Variants in CD99L2 observed in about 807,000 individuals in gnomAD.
CD99L2 encodes the protein CD99 molecule like 2, also known as CD99 antigen-like protein 2.
A neutral mutation model predicts 27.3 loss-of-function variants in CD99L2; 24 were observed. The observed-to-expected ratio is 0.88, with a 90% CI of 0.64 to 1.24. The LOEUF (loss-of-function observed/expected upper bound fraction) is 1.24. Among genes scored for constraint, CD99L2 ranks in the 50% most tolerant of loss-of-function variants. CD99L2 has a pLI of 0.00. For missense variants in CD99L2, 255 were observed against 221.6 expected (o/e 1.15, Z -0.96); for synonymous variants, 97 against 87.9 (o/e 1.10, Z -0.58).
At position 150,776,214 on chromosome X, in the gene CD99L2, G is replaced by A. The variant is rs1270246658; in HGVS notation, c.615C>T (p.Tyr205=). 1.2e-5 allele frequency: 14 copies of A among 1,210,349 alleles called. No homozygotes were observed. Among genetic ancestry groups the A allele is most frequent in the Non-Finnish European group, 1.6e-5 (14 of 895,201 alleles). The stretch of plus-strand genomic sequence containing the variant: ...AGAACTTCTTCTGCTGGTAGGAGAT[G>A]TAGCTGGAGACGGCACCGATGAGGG... ...AMALIGAVSS[Y]ISYQQKKFCF... The change falls in exon 9 of 11, where the codon TAC becomes TAT. Residue 205 remains tyrosine, a synonymous_variant. Coordinates refer to ENST00000370377, the MANE Select transcript of CD99L2 (RefSeq NM_031462.4).
intron 8 of CD99L2, chrX:150,776,931 G>C: frequency 7.2e-6 from 1 of 139,551 alleles, no homozygotes; most frequent in Non-Finnish European, 1.4e-5. Context: ...GTTTGGTCCA[G>C]AAAGGTGGGA....
chrX:150,846,582 T>C (rs2046707445), intron 1 of CD99L2, among the ~76,000 whole-genome samples: 2 of 112,248 alleles, frequency 1.8e-5, no homozygotes, highest in Non-Finnish European at 3.8e-5. Context: ...TGTTAGCTAA[T>C]ATTATTATTA....
At chrX:150,897,439 G>C (rs1557423110) in intron 1 of CD99L2, among the ~76,000 whole-genome samples, 1 of 112,109 alleles carries the variant, frequency 8.9e-6, no homozygotes, top group East Asian at 2.8e-4. Context: ...TGCATCTTTT[G>C]CAAAAGTGGC....
chrX:150,792,024 C>G (rs1557419725), intron 7 of CD99L2, among the ~76,000 whole-genome samples: 1 of 111,909 alleles, frequency 8.9e-6, no homozygotes. Context: ...TACCTTTGCT[C>G]ACAGCATTAG....
chrX:150,854,068 T>C (rs2046833699), intron 1 of CD99L2, among the ~76,000 whole-genome samples: 1 of 110,747 alleles, frequency 9.0e-6, no homozygotes, highest in Non-Finnish European at 1.9e-5. Context: ...AAACACCAGG[T>C]GTAATATCAT....
chrX:150,829,659 A>C (rs1401659525), intron 2 of CD99L2: 4 of 240,866 alleles, frequency 1.7e-5, no homozygotes, highest in African/African-American at 8.8e-5. Context: ...ACATTAAATG[A>C]AAGAGCCTCA....
chrX:150,812,524 TG>T (rs1369333176), intron 4 of CD99L2, among the ~76,000 whole-genome samples: 1 of 111,895 alleles, frequency 8.9e-6, no homozygotes, highest in African/African-American at 3.2e-5. Context: ...ACTTATAAAA[TG>T]GCTAAAATGG....
intron 7 of CD99L2, among the ~76,000 whole-genome samples, chrX:150,779,519 C>G (rs902896362): frequency 8.9e-6 from 1 of 112,344 alleles, no homozygotes; most frequent in Non-Finnish European, 1.9e-5. Context: ...CTGAAGTCAG[C>G]CACACAGGCC....
intron 1 of CD99L2, among the ~76,000 whole-genome samples, chrX:150,896,303 CAGG>C (rs1166727994): frequency 9.0e-6 from 1 of 111,691 alleles, no homozygotes; most frequent in South Asian, 3.7e-4. Context: ...GAGCCTGAGG[CAGG>C]AGAATTGCTT....
rs1027870764 is a variant in CD99L2 at position 150,797,249 on chromosome X, C to A, written c.278-1763G>T. Among the ~76,000 whole-genome samples the A allele has an allele frequency of 9.0e-5, 10 of 111,459 alleles. No individual in the cohort carries two copies. The East Asian group carries it at 2.8e-3, about 31-fold the overall frequency. On this transcript the variant is annotated intron_variant, in intron 4 of 10. Transcript: ENST00000370377. ...ATTTATACAGTAAAAAGGGATAAAC[C>A]GCTAGCCTTACTAACAAACATAAAA...
chrX:150,811,349 T>C (rs185171959), intron 4 of CD99L2, among the ~76,000 whole-genome samples: 66 of 110,965 alleles, frequency 5.9e-4, no homozygotes, highest in Middle Eastern at 4.7e-3. Context: ...GCATCAAAAA[T>C]AAAATAAAAT....
At chrX:150,822,023 T>C (rs1415944333) in intron 2 of CD99L2, among the ~76,000 whole-genome samples, 6 of 111,890 alleles carry the variant, frequency 5.4e-5, no homozygotes, top group African/African-American at 1.9e-4. Context: ...CCTAGGTATA[T>C]ATCGAAAAGA....
chrX:150,848,703 C>T (rs181219216), intron 1 of CD99L2, among the ~76,000 whole-genome samples: 4 of 111,160 alleles, frequency 3.6e-5, no homozygotes, highest in Middle Eastern at 4.6e-3. Context: ...AAGTAATCTC[C>T]AGTGTATAAT....
intron 2 of CD99L2, among the ~76,000 whole-genome samples, chrX:150,820,556 T>C (rs945898158): frequency 1.4e-4 from 16 of 112,030 alleles, no homozygotes; most frequent in Non-Finnish European, 2.8e-4. Flanking sequence ...AAATCTGCAA[T>C]TGACAGCATA....
At chrX:150,883,695 T>C (rs782600023) in intron 1 of CD99L2, among the ~76,000 whole-genome samples, 5 of 110,884 alleles carry the variant, frequency 4.5e-5, no homozygotes, top group African/African-American at 1.6e-4. Flanking sequence ...CAATAAGCAG[T>C]ACACAGCCAA....
chrX:150,785,245 C>T (rs2045576040), intron 7 of CD99L2, among the ~76,000 whole-genome samples: 1 of 110,138 alleles, frequency 9.1e-6, no homozygotes, highest in Admixed American at 9.8e-5. Context: ...GTTGTTCCTG[C>T]TTCTTTAATT....
chrX:150,830,370 G>A (rs73609573), intron 2 of CD99L2, among the ~76,000 whole-genome samples: 5,753 of 109,907 alleles, frequency 0.052, 171 homozygotes, highest in African/African-American at 0.1. Context: ...GGACAAAACA[G>A]TGAGATTCTG....
At chrX:150,821,402 T>C (rs1226410193) in intron 2 of CD99L2, among the ~76,000 whole-genome samples, 2 of 112,036 alleles carry the variant, frequency 1.8e-5, no homozygotes, top group African/African-American at 3.2e-5. Context: ...GCCAACACCA[T>C]TCAATGGAGA....
chrX:150,777,114 A>G (rs2043569930), intron 8 of CD99L2: 1 of 302,783 alleles, frequency 3.3e-6, no homozygotes, highest in Non-Finnish European at 5.7e-6. Context: ...GGAAGCAACC[A>G]GAGATGCATT....
Sources: gnomAD v4.1 joint callset for allele counts (sites outside exome capture counted in the v4.1 genomes callset) on GRCh38, gnomAD v4.1.1 for gene constraint, MANE v1.5 for transcripts, NCBI Gene and HGNC (gene_info 2026-07-23, HGNC 2026-07-21) for gene names.